Variants in OXR1 observed in about 807,000 individuals in gnomAD.
OXR1 encodes oxidation resistance protein 1.
Under a neutral mutation model 104.6 loss-of-function variants are expected in OXR1, and 41 were observed. The observed-to-expected ratio is 0.39, with a 90% CI of 0.31 to 0.51. OXR1 has a LOEUF of 0.51. Ranked by LOEUF, OXR1 falls within the 20% of genes least tolerant of loss-of-function variation. The pLI, the probability that OXR1 is intolerant of heterozygous loss-of-function variation, is 0.77. For missense variants in OXR1, 955 were observed against 1,031.9 expected (o/e 0.93, Z 1.02); for synonymous variants, 348 against 348.4 (o/e 1.00, Z 0.01).
intron 1 of OXR1, among the ~76,000 whole-genome samples, chr8:106,277,183 T>TA (rs1263028875): frequency 5.3e-5 from 8 of 152,192 alleles, no homozygotes; most frequent in African/African-American, 1.9e-4. Flanking sequence ...ATGAAAGAGT[T>TA]AAAATTGGAA....
intron 1 of OXR1, among the ~76,000 whole-genome samples, chr8:106,280,214 G>C (rs1812220539): frequency 6.6e-6 from 1 of 152,182 alleles, no homozygotes; most frequent in South Asian, 2.1e-4. Flanking sequence ...ACCCTTGAGT[G>C]TATTATCTCA....
chr8:106,609,434 G>C (rs1033520562), intron 3 of OXR1, among the ~76,000 whole-genome samples: 1 of 152,092 alleles, frequency 6.6e-6, no homozygotes, highest in Non-Finnish European at 1.5e-5. Context: ...TAATAGAAAA[G>C]TTGTAAGAAA....
At chr8:106,610,595 C>T (rs928761320) in intron 3 of OXR1, among the ~76,000 whole-genome samples, 4 of 152,154 alleles carry the variant, frequency 2.6e-5, no homozygotes, top group African/African-American at 4.8e-5. Context: ...CAGTCTCATT[C>T]GACTCCTTTC....
chr8:106,410,606 T>C (rs980869186), intron 2 of OXR1, among the ~76,000 whole-genome samples: 2 of 152,134 alleles, frequency 1.3e-5, no homozygotes, highest in Admixed American at 1.3e-4. Flanking sequence ...AGGATCCAAG[T>C]GCTTATAAAC....
At chr8:106,671,410 T>A (rs1048034743) in intron 3 of OXR1, among the ~76,000 whole-genome samples, 2 of 152,172 alleles carry the variant, frequency 1.3e-5, no homozygotes, top group Non-Finnish European at 2.9e-5. Flanking sequence ...TACGCATGTA[T>A]TCAGCGTGTA....
chr8:106,346,998 G>A (rs1455868472), intron 1 of OXR1, among the ~76,000 whole-genome samples: 3 of 152,204 alleles, frequency 2.0e-5, no homozygotes, highest in Admixed American at 1.3e-4. Context: ...AGCCGAGATC[G>A]CGCCATTGCA....
intron 3 of OXR1, among the ~76,000 whole-genome samples, chr8:106,571,665 A>G (rs1384227731): frequency 6.6e-6 from 1 of 152,130 alleles, no homozygotes; most frequent in East Asian, 1.9e-4. Flanking sequence ...CCAAAGTCTT[A>G]TCTAACTCTC....
chr8:106,376,000 C>A (rs1248699913), intron 2 of OXR1, among the ~76,000 whole-genome samples: 1 of 152,134 alleles, frequency 6.6e-6, no homozygotes, highest in Non-Finnish European at 1.5e-5. Context: ...CAGGCACATG[C>A]CACCAACCCA....
intron 1 of OXR1, among the ~76,000 whole-genome samples, chr8:106,330,317 C>T (rs1219259247): frequency 6.6e-6 from 1 of 152,112 alleles, no homozygotes; most frequent in Non-Finnish European, 1.5e-5. Flanking sequence ...TGGGGTAGTG[C>T]AGAAGCCTCA....
intron 1 of OXR1, chr8:106,272,111 C>T (rs1563687459): frequency 6.6e-6 from 1 of 152,146 alleles, no homozygotes; most frequent in Non-Finnish European, 1.5e-5. Context: ...AAAAAGAAAA[C>T]ACTACGTTAC....
intron 8 of OXR1, among the ~76,000 whole-genome samples, chr8:106,704,962 G>T (rs1011311589): frequency 8.5e-5 from 13 of 152,140 alleles, no homozygotes; most frequent in African/African-American, 2.9e-4. Flanking sequence ...CAAAAATGAG[G>T]TATAAGATTT....
chr8:106,521,986 C>T (rs1309781116), intron 3 of OXR1, among the ~76,000 whole-genome samples: 1 of 152,154 alleles, frequency 6.6e-6, no homozygotes, highest in Non-Finnish European at 1.5e-5. Flanking sequence ...CTGGAAAACT[C>T]TAGGAGCCCT....
intron 3 of OXR1, among the ~76,000 whole-genome samples, chr8:106,626,398 CAT>C (rs1393614379): frequency 6.6e-6 from 1 of 151,442 alleles, no homozygotes; most frequent in Non-Finnish European, 1.5e-5. Flanking sequence ...TATTTCTACA[CAT>C]GTCATTCTCT....
chr8:106,394,289 C>T (rs1342316549), intron 2 of OXR1, among the ~76,000 whole-genome samples: 1 of 148,200 alleles, frequency 6.7e-6, no homozygotes, highest in African/African-American at 2.5e-5. Flanking sequence ...ATATGCTATA[C>T]AACTGTTAGA....
intron 1 of OXR1, among the ~76,000 whole-genome samples, chr8:106,339,850 G>C (rs6469060): frequency 0.62 from 94,289 of 151,750 alleles, 30,239 homozygotes; most frequent in African/African-American, 0.8. Context: ...AGGCAGAGAC[G>C]TTTAGCTTTT....
At chr8:106,682,265 CTTTT>C (rs760684524) in intron 4 of OXR1, among the ~76,000 whole-genome samples, 6 of 117,860 alleles carry the variant, frequency 5.1e-5, no homozygotes, top group African/African-American at 1.9e-4. Flanking sequence ...AGAGCTCTCT[CTTTT>C]TTTTTTTTTT....
intron 2 of OXR1, among the ~76,000 whole-genome samples, chr8:106,434,938 C>A (rs1474485859): frequency 1.3e-5 from 2 of 152,068 alleles, no homozygotes; most frequent in Non-Finnish European, 2.9e-5. Context: ...GAGAGAGCAT[C>A]CCATGGTGAG....
At chr8:106,665,042 T>C (rs531292011) in intron 3 of OXR1, among the ~76,000 whole-genome samples, 2 of 152,306 alleles carry the variant, frequency 1.3e-5, no homozygotes, top group East Asian at 3.9e-4. Context: ...TTGAAATAAA[T>C]GTGAACTATG....
intron 3 of OXR1, among the ~76,000 whole-genome samples, chr8:106,586,263 G>A (rs563894145): frequency 3.9e-5 from 6 of 152,206 alleles, no homozygotes; most frequent in African/African-American, 1.4e-4. Context: ...TTTAAAGATA[G>A]AGCGGACACA....
Sources: allele counts gnomAD v4.1 joint callset (sites outside exome capture counted in the v4.1 genomes callset), GRCh38; gene constraint gnomAD v4.1.1; transcripts MANE v1.5; gene names NCBI Gene and HGNC (gene_info 2026-07-23, HGNC 2026-07-21).